The following AATF variants were observed in gnomAD, a reference collection of about 807,000 sequenced individuals.
AATF encodes apoptosis antagonizing transcription factor.
In AATF, 48 loss-of-function variants were observed where a neutral mutation model predicts 63.7. That is an observed-to-expected ratio of 0.75 (90% CI 0.60 to 0.96). The LOEUF is 0.96. Among genes scored for constraint, AATF ranks in the 40% least tolerant of loss-of-function variants. The pLI is 0.00. For missense variants in AATF, 639 were observed against 685.7 expected, an observed-to-expected ratio of 0.93 and a Z score of 0.76; for synonymous variants, 258 against 247.7, an observed-to-expected ratio of 1.04 and a Z score of -0.39.
rs369680508 is a variant in AATF at position 36,953,266 on chromosome 17, G to A, written c.664G>A (p.Glu222Lys). ...FSSVKVSEEV[E>K]KGRAVKNQIA... ...TAGTGTCAAAGTTTCTGAGGAAGTG[G>A]AGAAAGGAAGAGCCGTGAAGAACCA... The change falls in exon 3 of 12, where the codon GAG becomes AAG. Residue 222 changes from glutamate to lysine, a missense_variant. Transcript: ENST00000619387. 61 of 1,613,988 alleles carry A rather than the reference G, an allele frequency of 3.8e-5. No individual in the cohort carries two copies. The highest frequency in any genetic ancestry group is 5.1e-5 in the Non-Finnish European group (60 of 1,179,848).
chr17:37,045,449 C>T (rs1261364449), intron 11 of AATF: 1 of 152,290 alleles, frequency 6.6e-6, no homozygotes, highest in African/African-American at 2.4e-5. Flanking sequence ...TGCCGACACC[C>T]AGGAGACACA....
chr17:37,039,769 GA>G (rs1386593535), intron 11 of AATF, among the ~76,000 whole-genome samples: 2 of 151,658 alleles, frequency 1.3e-5, no homozygotes, highest in Admixed American at 6.6e-5. Flanking sequence ...AACTGGGTTG[GA>G]AAAAAAACAC....
At chr17:37,038,094 C>T (rs2071607833) in intron 11 of AATF, among the ~76,000 whole-genome samples, 1 of 152,184 alleles carries the variant, frequency 6.6e-6, no homozygotes, top group South Asian at 2.1e-4. Flanking sequence ...ATTACCCAGC[C>T]TCAAATATTT....
chr17:37,055,817 G>A (rs1485678609), intron 11 of AATF: 1 of 152,278 alleles, frequency 6.6e-6, no homozygotes, highest in Non-Finnish European at 1.5e-5. Flanking sequence ...CTGCAGGGAG[G>A]ATCTGCTCTG....
At chr17:37,032,630 A>G (rs930087856) in intron 11 of AATF, among the ~76,000 whole-genome samples, 1 of 152,164 alleles carries the variant, frequency 6.6e-6, no homozygotes, top group African/African-American at 2.4e-5. Context: ...ATGTATATAC[A>G]CTCACACCTA....
intron 8 of AATF, among the ~76,000 whole-genome samples, chr17:36,997,442 A>G (rs1326330337): frequency 6.6e-6 from 1 of 152,266 alleles, no homozygotes; most frequent in African/African-American, 2.4e-5. Context: ...TCTCCAAAGA[A>G]GATATACAAA....
chr17:37,012,392 A>G (rs1055724642), intron 8 of AATF, among the ~76,000 whole-genome samples: 2 of 152,190 alleles, frequency 1.3e-5, no homozygotes, highest in Non-Finnish European at 2.9e-5. Context: ...GCTGAGAACC[A>G]AAAAAGGAGG....
At chr17:36,955,285 A>G (rs2070890254) in intron 4 of AATF, among the ~76,000 whole-genome samples, 2 of 152,202 alleles carry the variant, frequency 1.3e-5, no homozygotes. Context: ...CGTTTCTTGT[A>G]GGTGAATACC....
At chr17:37,003,471 CTTT>C (rs1163393533) in intron 8 of AATF, among the ~76,000 whole-genome samples, 32 of 96,620 alleles carry the variant, frequency 3.3e-4, no homozygotes, top group Middle Eastern at 6.3e-3. Context: ...TTGACAAGAA[CTTT>C]TTTTTTTTTT....
At chr17:37,017,399 C>T (rs2071436689) in intron 8 of AATF, among the ~76,000 whole-genome samples, 1 of 152,070 alleles carries the variant, frequency 6.6e-6, no homozygotes, top group African/African-American at 2.4e-5. Flanking sequence ...GACTAGGAAC[C>T]AGAAGCCCAT....
At chr17:37,024,753 G>A (rs68138456) in intron 10 of AATF, among the ~76,000 whole-genome samples, 4,736 of 152,234 alleles carry the variant, frequency 0.031, 210 homozygotes, top group African/African-American at 0.095. Context: ...GAGGTCAGAA[G>A]TTTGAGACAA....
chr17:36,950,430 C>CTAATT, intron 2 of AATF, 25 bp downstream of exon 2: 1 of 1,598,458 alleles, frequency 6.3e-7, no homozygotes, highest in South Asian at 1.1e-5. Context: ...TTGAATGGAA[C>CTAATT]TCTTCTCTTC....
Position 37,053,790 on chromosome 17 carries a change from C to T in AATF, c.1620-2811C>T, listed in dbSNP as rs541130315. On this transcript the variant is annotated intron_variant, in intron 11 of 11. Coordinates refer to ENST00000619387, the MANE Select transcript of AATF (RefSeq NM_012138.4). Reference sequence around the variant, plus strand: ...CTGAGGCAGGAGAATCGATTGAACCCGGGAGGCGGAGGTTGCAGTGAGCCG... The same window carrying T: ...CTGAGGCAGGAGAATCGATTGAACCTGGGAGGCGGAGGTTGCAGTGAGCCG... Among the ~76,000 whole-genome samples the T allele has an allele frequency of 1.7e-4, 26 of 152,176 alleles. No homozygotes were observed. In the South Asian group the frequency reaches 2.9e-3, roughly 17 times the overall value.
At chr17:37,042,312 T>C (rs1191749266) in intron 11 of AATF, among the ~76,000 whole-genome samples, 1 of 152,070 alleles carries the variant, frequency 6.6e-6, no homozygotes, top group Non-Finnish European at 1.5e-5. Context: ...TGAATTTTTT[T>C]TCTTTTAATC....
At chr17:36,976,211 G>A (rs1363160142) in intron 4 of AATF, among the ~76,000 whole-genome samples, 1 of 152,050 alleles carries the variant, frequency 6.6e-6, no homozygotes, top group African/African-American at 2.4e-5. Flanking sequence ...AACCCTCAAG[G>A]GTACATTGAT....
rs551030847 is a variant in AATF, at chr17:37,000,642, G to T, written c.1398+9785G>T. Among the ~76,000 whole-genome samples the T allele has an allele frequency of 5.0e-4, 76 of 152,236 alleles. No homozygotes were observed. The South Asian group carries it at 9.1e-3, about 18-fold the overall frequency. ...TTTGTGAGCCTTCAGCATATAGGTT[G>T]TATTTAATACCATGAGATTGAATGA... On this transcript the variant is annotated intron_variant, in intron 8 of 11. Transcript: ENST00000619387.
intron 11 of AATF, among the ~76,000 whole-genome samples, chr17:37,050,296 C>G (rs184612180): frequency 6.6e-6 from 1 of 152,170 alleles, no homozygotes; most frequent in Non-Finnish European, 1.5e-5. Context: ...CCTTCCCGAT[C>G]TAGCTTCTGC....
At chr17:36,967,861 C>CTT (rs372660652) in intron 4 of AATF, among the ~76,000 whole-genome samples, 32 of 123,250 alleles carry the variant, frequency 2.6e-4, no homozygotes, top group Non-Finnish European at 4.1e-4. Flanking sequence ...CAGACCTTGC[C>CTT]TTTTTTTTTT....
rs1054553638 is a variant in AATF at position 36,953,808 on chromosome 17, C to G, written c.733C>G (p.Gln245Glu). Residue 245 changes from glutamine (Q) to glutamate (E), a missense_variant, in exon 4 of 12, where the codon CAA becomes GAA. By Grantham distance (29) the Gln-to-Glu change is conservative. Transcript: ENST00000619387. ...DQLLEGRIKL[Q>E]KALLTTNQLP... is the part of the protein sequence containing the mutation. ...GCTCTTGGAAGGAAGGATCAAACTA[C>G]AAAAAGCTCTGTTGACCACCAACCA... The G allele has an allele frequency of 1.1e-5, 17 of 1,614,114 alleles. No homozygotes were observed. The highest frequency in any genetic ancestry group is 1.4e-5 in the Non-Finnish European group (17 of 1,180,030).
Sources: gnomAD v4.1 joint callset for allele counts (sites outside exome capture counted in the v4.1 genomes callset) on GRCh38, gnomAD v4.1.1 for gene constraint, MANE v1.5 for transcripts, NCBI Gene and HGNC (gene_info 2026-07-23, HGNC 2026-07-21) for gene names.